Variants in USP28 observed in about 807,000 individuals in gnomAD.
USP28 encodes the protein ubiquitin carboxyl-terminal hydrolase 28.
Under a neutral mutation model 145.0 loss-of-function variants are expected in USP28, and 113 were observed. That is an observed-to-expected ratio of 0.78 (90% CI 0.67 to 0.91). USP28 has a LOEUF of 0.91. Among genes scored for constraint, USP28 ranks in the 40% least tolerant of loss-of-function variants. The pLI is 0.00. For missense variants in USP28, 1,201 were observed against 1,289.6 expected (o/e 0.93, Z 1.05); for synonymous variants, 447 against 450.9 (o/e 0.99, Z 0.11).
rs1467516792 is a variant in USP28, at chr11:113,805,066, T to C, written c.2401-20A>G. The C allele has an allele frequency of 6.2e-7, 1 of 1,610,894 alleles. No homozygotes were observed. The highest frequency in any genetic ancestry group is 1.1e-5 in the South Asian group (1 of 90,890). On this transcript the variant is annotated intron_variant, in intron 19 of 24. Transcript: ENST00000003302. ...GAATGCCTATTAAGGGCAGAATCAA[T>C]GGTTAGAAAATAGTGTGCTGTGGGC...
At chr11:113,807,863 A>G (rs1048535991) in intron 18 of USP28, 88 bp downstream of exon 19, 1 of 861,974 alleles carries the variant, frequency 1.2e-6, no homozygotes, top group African/African-American at 1.8e-5. Flanking sequence ...AGAAAATATC[A>G]GCTATTGGCA....
In USP28 at chr11:113,801,413, C is replaced by T. The variant is rs547712865; in HGVS notation, c.3058+70G>A. On this transcript the variant is annotated intron_variant, in intron 24 of 24. Coordinates refer to ENST00000003302, the Ensembl canonical transcript of USP28. ...CCTTAAAAAGGTTTGGCAACCAGTG[C>T]TATCAAGTGAGAACACTGAAATTTC... The T allele has an allele frequency of 2.1e-4, 261 of 1,262,618 alleles. 6 individuals are homozygous for T. In the South Asian group the frequency reaches 4.4e-3, roughly 21 times the overall value. The allele number at this position is 1,262,618 out of a possible 1,614,324, so 78.2% of individuals were successfully genotyped here. A position where few individuals can be genotyped will look rare whatever the true frequency, so the allele number is the denominator to read the frequency against.
chr11:113,812,824 G>A (rs1251857411), intron 15 of USP28, among the ~76,000 whole-genome samples: 1 of 152,150 alleles, frequency 6.6e-6, no homozygotes, highest in Non-Finnish European at 1.5e-5. Context: ...TCTAAAAATA[G>A]AATCACCTTG....
At chr11:113,808,548 G>T in intron 17 of USP28, 111 bp from the exon 18 acceptor site, 1 of 1,168,622 alleles carries the variant, frequency 8.6e-7, no homozygotes, top group African/African-American at 1.5e-5. Context: ...TGTTAACACA[G>T]CTTTTTACAA....
At chr11:113,836,393 G>T (rs1258974027) in intron 5 of USP28, among the ~76,000 whole-genome samples, 1 of 152,094 alleles carries the variant, frequency 6.6e-6, no homozygotes, top group Non-Finnish European at 1.5e-5. Flanking sequence ...CCGCTCACTT[G>T]CACATGGTCT....
chr11:113,858,929 T>A (rs1256465826), intron 1 of USP28, among the ~76,000 whole-genome samples: 1 of 152,226 alleles, frequency 6.6e-6, no homozygotes, highest in Non-Finnish European at 1.5e-5. Flanking sequence ...TTGTTTTAAA[T>A]ATGAAATTCT....
chr11:113,808,247 C>T (rs754694092), intron 18 of USP28, 51 bp downstream of exon 18: 23 of 1,588,412 alleles, frequency 1.4e-5, no homozygotes, highest in Admixed American at 8.6e-5. Flanking sequence ...AACTGGCCAT[C>T]GCTGCTGAAA....
intron 3 of USP28, among the ~76,000 whole-genome samples, chr11:113,851,169 G>T (rs754711127): frequency 1.3e-5 from 2 of 152,086 alleles, no homozygotes; most frequent in Non-Finnish European, 2.9e-5. Flanking sequence ...CCTGGCCTGG[G>T]TTCCCTAATC....
intron 1 of USP28, 130 bp from the exon 2 acceptor site, chr11:113,854,465 G>T: frequency 1.3e-6 from 1 of 749,914 alleles, no homozygotes; most frequent in Non-Finnish European, 2.1e-6. Context: ...GCAGTGGCCG[G>T]ATCTCGGCTC....
chr11:113,856,561 G>GA (rs573067218), intron 1 of USP28, among the ~76,000 whole-genome samples: 89 of 152,256 alleles, frequency 5.8e-4, no homozygotes, highest in African/African-American at 2.1e-3. Context: ...ACAAAAAGCT[G>GA]AGGCACAGAG....
chr11:113,813,633 C>G (rs1941317199), intron 15 of USP28: 1 of 452,526 alleles, frequency 2.2e-6, no homozygotes. Flanking sequence ...TGACAGCAAA[C>G]CTTTCTACAA....
chr11:113,863,407 AGGCTGAGGC>A (rs1453465302), intron 1 of USP28, among the ~76,000 whole-genome samples: 2 of 152,030 alleles, frequency 1.3e-5, no homozygotes, highest in African/African-American at 4.8e-5. Flanking sequence ...GCACTTTGGG[AGGCTGAGGC>A]GGGCAGATTG....
At chr11:113,809,888 A>C (rs909710379) in intron 16 of USP28, among the ~76,000 whole-genome samples, 3 of 152,142 alleles carry the variant, frequency 2.0e-5, no homozygotes, top group African/African-American at 7.2e-5. Context: ...TACAAAAATT[A>C]GTCAAGCGTG....
intron 3 of USP28, among the ~76,000 whole-genome samples, chr11:113,851,719 A>C (rs894608010): frequency 6.7e-6 from 1 of 149,538 alleles, no homozygotes; most frequent in African/African-American, 2.5e-5. Context: ...CCAGAGGCAG[A>C]GGTTGCGGTG....
intron 1 of USP28, among the ~76,000 whole-genome samples, chr11:113,862,909 T>TA (rs1947844342): frequency 1.3e-5 from 2 of 152,090 alleles, no homozygotes; most frequent in Non-Finnish European, 2.9e-5. Flanking sequence ...AGGGCCTTTA[T>TA]AAAAAAACCA....
At chr11:113,822,987 T>C (rs1334099463) in intron 12 of USP28, among the ~76,000 whole-genome samples, 1 of 152,172 alleles carries the variant, frequency 6.6e-6, no homozygotes, top group African/African-American at 2.4e-5. Flanking sequence ...GGAGAAGCTA[T>C]TGACTGTGTA....
intron 1 of USP28, chr11:113,874,781 G>A (rs1949205441): frequency 3.5e-6 from 4 of 1,135,126 alleles, no homozygotes; most frequent in Non-Finnish European, 4.4e-6. Flanking sequence ...TAGATCAGAA[G>A]TCCTTATATT....
chr11:113,855,047 A>G (rs1045325100), intron 1 of USP28, among the ~76,000 whole-genome samples: 11 of 152,174 alleles, frequency 7.2e-5, no homozygotes, highest in African/African-American at 1.4e-4. Flanking sequence ...TTCACTGACA[A>G]TAAGTTTCCA....
chr11:113,875,528 C>T, exon 1 of USP28: 1 of 1,147,706 alleles, frequency 8.7e-7, no homozygotes, highest in Non-Finnish European at 1.1e-6. Context: ...CGCGGGTCAC[C>T]GGTCTCCCGC....
Sources: gnomAD v4.1 joint callset for allele counts (sites outside exome capture counted in the v4.1 genomes callset) on GRCh38, gnomAD v4.1.1 for gene constraint, MANE v1.5 for transcripts, NCBI Gene and HGNC (gene_info 2026-07-23, HGNC 2026-07-21) for gene names.